Variants in MGAT4C observed in about 807,000 individuals in gnomAD.
The protein encoded by MGAT4C is MGAT4 family member C.
In MGAT4C, 19 loss-of-function variants were observed where a neutral mutation model predicts 40.1. The observed-to-expected ratio is 0.47, with a 90% CI of 0.33 to 0.70. MGAT4C has a LOEUF of 0.70. Among genes scored for constraint, MGAT4C ranks in the 30% least tolerant of loss-of-function variants. The probability of loss-of-function intolerance (pLI) is 0.02; values close to 1 mark genes in which losing one functional copy is unlikely to be tolerated. For synonymous variants in MGAT4C, 181 were observed against 187.1 expected, an observed-to-expected ratio of 0.97 and a Z score of 0.27; for missense variants, 491 against 563.2, an observed-to-expected ratio of 0.87 and a Z score of 1.30.
At chr12:86,197,187 A>G (rs924993033) in intron 1 of MGAT4C, among the ~76,000 whole-genome samples, 1 of 152,134 alleles carries the variant, frequency 6.6e-6, no homozygotes, top group Admixed American at 6.5e-5. Context: ...TTCCAATAAC[A>G]TATTTCTCAC....
chr12:86,164,684 G>A (rs1250427255), intron 1 of MGAT4C, among the ~76,000 whole-genome samples: 1 of 152,156 alleles, frequency 6.6e-6, no homozygotes, highest in Non-Finnish European at 1.5e-5. Flanking sequence ...ATGGGCAGAA[G>A]AAGGAGCATG....
At chr12:86,437,703 T>C (rs565369428) in intron 2 of MGAT4C, among the ~76,000 whole-genome samples, 16 of 152,036 alleles carry the variant, frequency 1.1e-4, no homozygotes, top group Admixed American at 3.3e-4. Context: ...TGTCTCTTTG[T>C]CACACTTTGG....
intron 2 of MGAT4C, among the ~76,000 whole-genome samples, chr12:86,713,112 AC>A (rs1565943012): frequency 6.6e-6 from 1 of 151,970 alleles, no homozygotes; most frequent in Non-Finnish European, 1.5e-5. Flanking sequence ...ACACACACAC[AC>A]ACACACCATG....
chr12:86,096,575 A>T (rs1203729240), intron 1 of MGAT4C, among the ~76,000 whole-genome samples: 2 of 150,842 alleles, frequency 1.3e-5, no homozygotes, highest in Admixed American at 6.6e-5. Context: ...TTTGTTTTGG[A>T]TTACTTTTTT....
intron 1 of MGAT4C, among the ~76,000 whole-genome samples, chr12:86,107,818 C>G (rs1043557129): frequency 6.6e-6 from 1 of 152,016 alleles, no homozygotes; most frequent in African/African-American, 2.4e-5. Flanking sequence ...ATTGAAAGTG[C>G]TTATTTTAAA....
chr12:86,454,534 T>C (rs1466299092), intron 2 of MGAT4C, among the ~76,000 whole-genome samples: 1 of 152,070 alleles, frequency 6.6e-6, no homozygotes, highest in Non-Finnish European at 1.5e-5. Context: ...GCCTCATATA[T>C]GTAACTATAT....
At chr12:85,984,588 A>G (rs949461661) in intron 3 of MGAT4C, among the ~76,000 whole-genome samples, 2 of 152,190 alleles carry the variant, frequency 1.3e-5, no homozygotes, top group African/African-American at 4.8e-5. Flanking sequence ...AATTTTGATT[A>G]TCTAATCATC....
chr12:86,717,948 C>A (rs563519041), intron 2 of MGAT4C, among the ~76,000 whole-genome samples: 1 of 152,174 alleles, frequency 6.6e-6, no homozygotes, highest in South Asian at 2.1e-4. Context: ...CCCTTACTAT[C>A]CTTTCTGAAA....
chr12:86,163,348 T>C (rs1885820509), intron 1 of MGAT4C, among the ~76,000 whole-genome samples: 2 of 151,866 alleles, frequency 1.3e-5, no homozygotes, highest in Non-Finnish European at 2.9e-5. Flanking sequence ...CACACCACCA[T>C]GTTAGGCCAA....
intron 4 of MGAT4C, among the ~76,000 whole-genome samples, chr12:86,265,424 T>C (rs1395451253): frequency 6.6e-6 from 1 of 152,244 alleles, no homozygotes; most frequent in Non-Finnish European, 1.5e-5. Flanking sequence ...AAGGGTGTCC[T>C]TTCCCCAATG....
intron 3 of MGAT4C, among the ~76,000 whole-genome samples, chr12:86,429,156 T>C (rs1464840751): frequency 1.3e-5 from 2 of 152,158 alleles, no homozygotes; most frequent in Admixed American, 1.3e-4. Flanking sequence ...TGATGTGTTG[T>C]GTTTCCATTT....
At chr12:86,315,163 A>T (rs2136154434) in intron 4 of MGAT4C, among the ~76,000 whole-genome samples, 1 of 152,314 alleles carries the variant, frequency 6.6e-6, no homozygotes, top group South Asian at 2.1e-4. Context: ...GCAAAAATAG[A>T]CACATAGACC....
At chr12:86,739,602 C>T (rs888747411) in intron 1 of MGAT4C, among the ~76,000 whole-genome samples, 2 of 150,738 alleles carry the variant, frequency 1.3e-5, no homozygotes, top group African/African-American at 2.4e-5. Flanking sequence ...CTAAACAATA[C>T]AGAATAATAA....
intron 1 of MGAT4C, among the ~76,000 whole-genome samples, chr12:86,063,937 A>T (rs958762157): frequency 1.3e-5 from 2 of 152,198 alleles, no homozygotes; most frequent in African/African-American, 4.8e-5. Flanking sequence ...TTAGACTCCC[A>T]CACAATAATA....
chr12:86,583,782 T>C (rs1306581357), intron 2 of MGAT4C, among the ~76,000 whole-genome samples: 1 of 151,156 alleles, frequency 6.6e-6, no homozygotes, highest in East Asian at 1.9e-4. Flanking sequence ...TTGCATAAAA[T>C]TGTAAACTGT....
chr12:86,138,815 A>G (rs1882415296), intron 1 of MGAT4C, among the ~76,000 whole-genome samples: 1 of 151,964 alleles, frequency 6.6e-6, no homozygotes. Context: ...GGAAGGTAGA[A>G]AGTTCTTTTG....
intron 2 of MGAT4C, among the ~76,000 whole-genome samples, chr12:86,454,381 C>A (rs1450294459): frequency 6.6e-6 from 1 of 152,002 alleles, no homozygotes; most frequent in African/African-American, 2.4e-5. Flanking sequence ...GTGCAAACTG[C>A]TACACCTGAT....
intron 3 of MGAT4C, among the ~76,000 whole-genome samples, chr12:86,370,903 G>C (rs1468763165): frequency 6.6e-6 from 1 of 152,044 alleles, no homozygotes; most frequent in Admixed American, 6.6e-5. Flanking sequence ...CCTTTAGTGG[G>C]ATGGCAGAGG....
chr12:86,243,346 G>T (rs1268133487), intron 1 of MGAT4C, among the ~76,000 whole-genome samples: 1 of 152,304 alleles, frequency 6.6e-6, no homozygotes, highest in Middle Eastern at 3.4e-3. Flanking sequence ...AGGTCTCTGA[G>T]AATGTTCTGT....
Sources: allele counts gnomAD v4.1 joint callset (sites outside exome capture counted in the v4.1 genomes callset), GRCh38; gene constraint gnomAD v4.1.1; transcripts MANE v1.5; gene names NCBI Gene and HGNC (gene_info 2026-07-23, HGNC 2026-07-21).